CPED1: variants seen among roughly 807,000 people sequenced by gnomAD.
CPED1 encodes the protein cadherin like and PC-esterase domain containing 1.
Under a neutral mutation model 128.2 loss-of-function variants are expected in CPED1, and 114 were observed. That is an observed-to-expected ratio of 0.89 (90% CI 0.76 to 1.04). The LOEUF is 1.04. CPED1 is among the 50% of genes least tolerant of loss of function. CPED1 has a pLI of 0.00. For missense variants in CPED1, 1,211 were observed against 1,207.1 expected, an observed-to-expected ratio of 1.00 and a Z score of -0.05; for synonymous variants, 462 against 426.7, an observed-to-expected ratio of 1.08 and a Z score of -1.02.
At chr7:121,129,390 A>T (rs981557973) in intron 11 of CPED1, among the ~76,000 whole-genome samples, 3 of 147,772 alleles carry the variant, frequency 2.0e-5, no homozygotes, top group Non-Finnish European at 3.0e-5. Flanking sequence ...TCAACTTACT[A>T]AGTTAATTAA....
At chr7:121,188,953 G>A (rs934796432) in intron 16 of CPED1, among the ~76,000 whole-genome samples, 1 of 152,084 alleles carries the variant, frequency 6.6e-6, no homozygotes, top group Admixed American at 6.6e-5. Flanking sequence ...TACTACTAAA[G>A]AAAATTGAGG....
Position 121,142,023 on chromosome 7 carries a change from T to C in CPED1, c.1937T>C (p.Val646Ala). Residue 646 changes from valine (V) to alanine (A), a missense_variant, in exon 16 of 23, where the codon GTT (valine) becomes GCT (alanine). By Grantham distance (64) the Val-to-Ala change is moderately conservative. Coordinates refer to ENST00000310396, the MANE Select transcript of CPED1 (RefSeq NM_024913.5). ...GLGMNKISIF[V>A]VDESPAHGET... ...GGAATGAACAAAATCTCAATATTTG[T>C]TGTGGATGAATCTCCAGCACACGGT... 1.2e-6 allele frequency: 2 copies of C among 1,612,788 alleles called. No homozygotes were observed. Among genetic ancestry groups the C allele is most frequent in the African/African-American group, 1.3e-5 (1 of 74,958 alleles).
chr7:121,208,988 G>A (rs1006360953), intron 16 of CPED1, among the ~76,000 whole-genome samples: 1 of 151,950 alleles, frequency 6.6e-6, no homozygotes, highest in South Asian at 2.1e-4. Flanking sequence ...TGTGACCTAC[G>A]GAAAAAGGAA....
At chr7:121,011,426 T>G (rs932312247) in intron 2 of CPED1, among the ~76,000 whole-genome samples, 2 of 152,226 alleles carry the variant, frequency 1.3e-5, no homozygotes, top group Admixed American at 6.5e-5. Flanking sequence ...TATTTACAAT[T>G]CTATTGAAAT....
At chr7:121,069,712 C>T (rs979414885) in intron 5 of CPED1, among the ~76,000 whole-genome samples, 1 of 151,874 alleles carries the variant, frequency 6.6e-6, no homozygotes, top group Non-Finnish European at 1.5e-5. Flanking sequence ...GTTAGTTGGC[C>T]CAAATTTGTT....
At chr7:121,193,433 TAA>T (rs1189266392) in intron 16 of CPED1, among the ~76,000 whole-genome samples, 1 of 152,142 alleles carries the variant, frequency 6.6e-6, no homozygotes, top group East Asian at 1.9e-4. Flanking sequence ...TTGGTAGATA[TAA>T]AAGTTTTGCT....
chr7:121,090,051 A>C (rs1323608094), intron 5 of CPED1, among the ~76,000 whole-genome samples: 1 of 152,212 alleles, frequency 6.6e-6, no homozygotes, highest in Non-Finnish European at 1.5e-5. Flanking sequence ...GCAGAACTCA[A>C]GGTTCTTATG....
intron 17 of CPED1, among the ~76,000 whole-genome samples, chr7:121,240,144 A>T (rs13438127): frequency 0.11 from 16,120 of 152,200 alleles, 1,094 homozygotes; most frequent in African/African-American, 0.18. Context: ...CCAAGTTTTC[A>T]GAGACCCAAT....
At chr7:121,016,332 G>A (rs1792300229) in intron 3 of CPED1, among the ~76,000 whole-genome samples, 1 of 152,158 alleles carries the variant, frequency 6.6e-6, no homozygotes, top group South Asian at 2.1e-4. Context: ...GTCATTTGGA[G>A]AGAATAATAA....
intron 16 of CPED1, among the ~76,000 whole-genome samples, chr7:121,195,841 G>A (rs1364231081): frequency 6.6e-6 from 1 of 152,132 alleles, no homozygotes; most frequent in Non-Finnish European, 1.5e-5. Flanking sequence ...TTGGTGTTTG[G>A]TGTGAATGTG....
At chr7:120,997,764 T>C (rs1308167813) in intron 2 of CPED1, among the ~76,000 whole-genome samples, 1 of 151,484 alleles carries the variant, frequency 6.6e-6, no homozygotes, top group African/African-American at 2.4e-5. Flanking sequence ...TTACTAAAAA[T>C]ACAAAAAACT....
rs201373775 is a variant in CPED1 at position 121,140,853 on chromosome 7, C to T, written c.1726C>T (p.Gln576Ter). 339 of 1,611,678 alleles carry T rather than the reference C, an allele frequency of 2.1e-4. No homozygotes were observed. The highest frequency in any genetic ancestry group is 2.7e-4 in the Non-Finnish European group (324 of 1,178,810). The change falls in exon 15 of 23, where the codon CAG (glutamine) becomes TAG (stop). Residue 576 changes from glutamine to a stop codon, truncating the protein, a stop_gained. Transcript: ENST00000310396. LOFTEE classifies it high-confidence loss of function. ...DDENTPCHIKQIFTHPHLELN... is the reference protein window; with the variant it reads ...DDENTPCHIK ...TGAAAACACACCATGTCATATCAAG[C>T]AGATCTTCACACATCCACATTTGGA...
chr7:121,267,820 A>C (rs1459096308), intron 21 of CPED1, among the ~76,000 whole-genome samples: 1 of 152,012 alleles, frequency 6.6e-6, no homozygotes, highest in Non-Finnish European at 1.5e-5. Context: ...ATTATTGGGC[A>C]ATTGCAGAGT....
At chr7:121,047,135 A>G in intron 4 of CPED1, 142 bp downstream of exon 4, 1 of 502,422 alleles carries the variant, frequency 2.0e-6, no homozygotes. Context: ...CATGCCTTAT[A>G]TACTTTACCA....
intron 14 of CPED1, among the ~76,000 whole-genome samples, chr7:121,137,218 C>T (rs1296670404): frequency 8.6e-5 from 13 of 151,886 alleles, no homozygotes; most frequent in Admixed American, 7.9e-4. Context: ...GTTGTCCTTG[C>T]TGGAGTGCAG....
intron 16 of CPED1, among the ~76,000 whole-genome samples, chr7:121,193,456 T>C (rs1392160147): frequency 6.6e-6 from 1 of 152,128 alleles, no homozygotes; most frequent in Non-Finnish European, 1.5e-5. Context: ...TTCTTTTGTG[T>C]CAAAGTTCCT....
chr7:121,239,285 T>C (rs544092597), intron 17 of CPED1, among the ~76,000 whole-genome samples: 3 of 152,316 alleles, frequency 2.0e-5, no homozygotes, highest in East Asian at 3.9e-4. Flanking sequence ...GCCTATGTAT[T>C]GATCTCAATA....
intron 16 of CPED1, among the ~76,000 whole-genome samples, chr7:121,210,485 T>A (rs1348123062): frequency 6.6e-6 from 1 of 151,940 alleles, no homozygotes; most frequent in Non-Finnish European, 1.5e-5. Context: ...TAAAAAAGAA[T>A]TAAATCCTGT....
Position 121,099,123 on chromosome 7 carries a change from A to T in CPED1, c.750-803A>T, listed in dbSNP as rs190551528. On this transcript the variant is annotated intron_variant, in intron 6 of 22. Coordinates refer to ENST00000310396, the MANE Select transcript of CPED1 (RefSeq NM_024913.5). ...GAACTAGTGGGGAAAGTATTTTCGC[A>T]TATTCTTGGTGACCTGTCCACTATT... Among the ~76,000 whole-genome samples the T allele has an allele frequency of 3.4e-4, 52 of 151,484 alleles. 1 individual carries two copies. In the East Asian group the frequency reaches 9.9e-3, roughly 29 times the overall value.
Sources: allele counts gnomAD v4.1 joint callset (sites outside exome capture counted in the v4.1 genomes callset), GRCh38; gene constraint gnomAD v4.1.1; transcripts MANE v1.5; gene names NCBI Gene and HGNC (gene_info 2026-07-23, HGNC 2026-07-21).